Variants in TAPT1 observed in about 807,000 individuals in gnomAD.
TAPT1 encodes the protein transmembrane anterior posterior transformation protein 1 homolog.
A neutral mutation model predicts 65.6 loss-of-function variants in TAPT1; 28 were observed. That is an observed-to-expected ratio of 0.43 (90% CI 0.32 to 0.59). TAPT1 has a LOEUF of 0.59. Among genes scored for constraint, TAPT1 ranks in the 20% least tolerant of loss-of-function variants. The pLI, the probability that TAPT1 is intolerant of heterozygous loss-of-function variation, is 0.09. For missense variants in TAPT1, 563 were observed against 679.9 expected, an observed-to-expected ratio of 0.83 and a Z score of 1.91; for synonymous variants, 278 against 245.2, an observed-to-expected ratio of 1.13 and a Z score of -1.25.
chr4:16,188,480 G>T, intron 4 of TAPT1, 125 bp from the exon 5 acceptor site: 1 of 682,580 alleles, frequency 1.5e-6, no homozygotes, highest in South Asian at 3.1e-5. Context: ...AAGCTAAAGA[G>T]GAGTGAGGAT....
intron 1 of TAPT1, among the ~76,000 whole-genome samples, chr4:16,222,706 G>T (rs774633510): frequency 6.6e-6 from 1 of 152,206 alleles, no homozygotes; most frequent in Non-Finnish European, 1.5e-5. Context: ...TAAAAATTCA[G>T]TTGACTTTTC....
intron 12 of TAPT1, among the ~76,000 whole-genome samples, chr4:16,168,650 T>C (rs1747796787): frequency 6.6e-6 from 1 of 152,238 alleles, no homozygotes; most frequent in Non-Finnish European, 1.5e-5. Flanking sequence ...CTCCCATTCA[T>C]CTCCTCATAC....
intron 1 of TAPT1, among the ~76,000 whole-genome samples, chr4:16,219,736 A>G (rs1751142610): frequency 6.6e-6 from 1 of 152,210 alleles, no homozygotes; most frequent in Admixed American, 6.5e-5. Context: ...AACAATCATG[A>G]GAGTTAAACA....
chr4:16,192,870 C>T (rs1322421088), intron 3 of TAPT1, among the ~76,000 whole-genome samples: 1 of 152,178 alleles, frequency 6.6e-6, no homozygotes, highest in African/African-American at 2.4e-5. Flanking sequence ...TGGCCATTGG[C>T]CATCTGAGTC....
chr4:16,195,049 T>C (rs1749618964), intron 3 of TAPT1, among the ~76,000 whole-genome samples: 1 of 152,128 alleles, frequency 6.6e-6, no homozygotes, highest in African/African-American at 2.4e-5. Flanking sequence ...TGTTTTCATA[T>C]AAATGTCCTT....
At chr4:16,182,019 CTATCTT>C (rs1209733536) in intron 7 of TAPT1, among the ~76,000 whole-genome samples, 2 of 152,166 alleles carry the variant, frequency 1.3e-5, no homozygotes, top group Non-Finnish European at 2.9e-5. Flanking sequence ...AAAATTAACT[CTATCTT>C]TATTTGATAA....
intron 6 of TAPT1, 43 bp from the exon 7 acceptor site, chr4:16,186,647 T>G (rs753554300): frequency 1.4e-6 from 2 of 1,434,050 alleles, no homozygotes; most frequent in African/African-American, 2.9e-5. Context: ...ATTATAACAG[T>G]TTAAAAACTG....
chr4:16,171,118 G>T (rs964235752), intron 11 of TAPT1, among the ~76,000 whole-genome samples: 1 of 152,116 alleles, frequency 6.6e-6, no homozygotes, highest in African/African-American at 2.4e-5. Context: ...CTTGCTACAC[G>T]TGTCCACACC....
rs200592426 is a variant in TAPT1, at chr4:16,162,690, T to C, written c.*618A>G. On this transcript the variant is annotated 3_prime_UTR_variant, in exon 14 of 14. Coordinates refer to ENST00000405303, the MANE Select transcript of TAPT1 (RefSeq NM_153365.3). ...CTTCATTAATTATTTTTTTAATAAATAAACTAGTTTAGCATTTTTTTTTAA... is the reference window on the plus strand; with the variant it reads ...CTTCATTAATTATTTTTTTAATAAACAAACTAGTTTAGCATTTTTTTTTAA... The C allele has an allele frequency of 1.1e-3, 144 of 130,324 alleles. 1 individual carries two copies. The highest frequency in any genetic ancestry group is 9.4e-3 in the East Asian group (41 of 4,354). The allele number at this position is 130,324 out of a possible 1,614,324, so 8.1% of individuals were successfully genotyped here.
intron 1 of TAPT1, among the ~76,000 whole-genome samples, chr4:16,218,662 C>G (rs1183945691): frequency 6.6e-6 from 1 of 152,178 alleles, no homozygotes; most frequent in African/African-American, 2.4e-5. Context: ...AGCTGTTTGC[C>G]TTATCCACAG....
chr4:16,168,156 C>T (rs1382917748), intron 12 of TAPT1, among the ~76,000 whole-genome samples: 1 of 152,028 alleles, frequency 6.6e-6, no homozygotes, highest in South Asian at 2.1e-4. Flanking sequence ...CATTGTCGCC[C>T]AGGCTGTGGT....
At chr4:16,225,429 C>T (rs1751493835) in intron 1 of TAPT1, among the ~76,000 whole-genome samples, 1 of 152,204 alleles carries the variant, frequency 6.6e-6, no homozygotes. Context: ...GGTTCAGTTG[C>T]TGTTTACAGC....
chr4:16,198,571 A>AAC (rs1553832935), intron 3 of TAPT1, among the ~76,000 whole-genome samples: 30,345 of 151,668 alleles, frequency 0.2, 3,141 homozygotes, highest in East Asian at 0.3. Context: ...GAAAAAAAAA[A>AAC]ATTATTTAAA....
upstream of TAPT1, chr4:16,226,516 C>A: frequency 6.1e-5 from 60 of 982,570 alleles, no homozygotes; most frequent in Non-Finnish European, 7.3e-5. Flanking sequence ...TCCGGCCGGC[C>A]CCCTCCCCGC....
chr4:16,189,537 C>G (rs974682891), intron 4 of TAPT1, among the ~76,000 whole-genome samples: 2 of 152,162 alleles, frequency 1.3e-5, no homozygotes, highest in African/African-American at 4.8e-5. Flanking sequence ...TCTATTTAAT[C>G]CTCATAATCT....
chr4:16,174,983 A>G, intron 9 of TAPT1: 1 of 291,982 alleles, frequency 3.4e-6, no homozygotes, highest in Non-Finnish European at 6.2e-6. Context: ...TCCAACGACT[A>G]TGATCCTGAG....
Position 16,179,674 on chromosome 4 carries a change from C to A in TAPT1, c.917-17G>T. Reference sequence around the variant, plus strand: ...CCTTAATATCTAAAAGAAAAAAAATCAACATAAGTACTGTAGTGTATATAA... The same window carrying A: ...CCTTAATATCTAAAAGAAAAAAAATAAACATAAGTACTGTAGTGTATATAA... On this transcript the variant is annotated splice_polypyrimidine_tract_variant and intron_variant, in intron 7 of 13. Coordinates refer to ENST00000405303, the MANE Select transcript of TAPT1 (RefSeq NM_153365.3). 1 of 1,368,390 alleles carries A rather than the reference C, an allele frequency of 7.3e-7. No homozygotes were observed. The highest frequency in any genetic ancestry group is 1.3e-5 in the South Asian group (1 of 75,698). 84.8% of individuals were successfully genotyped at this position (1,368,390 alleles called of 1,614,324 possible). A position where few individuals can be genotyped will look rare whatever the true frequency, so the allele number is the denominator to read the frequency against.
At chr4:16,174,545 A>G (rs746550607) in intron 10 of TAPT1, 125 bp downstream of exon 10, 34 of 812,418 alleles carry the variant, frequency 4.2e-5, no homozygotes, top group Admixed American at 4.1e-4. Context: ...TGTTGAGAAT[A>G]GAGATCAGTA....
intron 7 of TAPT1, chr4:16,182,923 T>G (rs1169854001): frequency 1.3e-5 from 2 of 152,198 alleles, no homozygotes; most frequent in African/African-American, 4.8e-5. Context: ...CTCCATGAAG[T>G]CTTCTATATT....
Sources: allele counts gnomAD v4.1 joint callset (sites outside exome capture counted in the v4.1 genomes callset), GRCh38; gene constraint gnomAD v4.1.1; transcripts MANE v1.5; gene names NCBI Gene and HGNC (gene_info 2026-07-23, HGNC 2026-07-21).